FBXO31: variants seen among roughly 807,000 people sequenced by gnomAD.
FBXO31 encodes F-box protein 31.
Under a neutral mutation model 54.4 loss-of-function variants are expected in FBXO31, and 24 were observed. That is an observed-to-expected ratio of 0.44 (90% CI 0.32 to 0.62). The LOEUF is 0.62. Among genes scored for constraint, FBXO31 ranks in the 20% least tolerant of loss-of-function variants. FBXO31 has a pLI of 0.05. For missense variants in FBXO31, 665 were observed against 787.1 expected (o/e 0.84, Z 1.86); for synonymous variants, 388 against 335.6 (o/e 1.16, Z -1.71).
At chr16:87,377,868 G>A (rs1237706576) in intron 1 of FBXO31, among the ~76,000 whole-genome samples, 2 of 151,332 alleles carry the variant, frequency 1.3e-5, no homozygotes, top group African/African-American at 4.9e-5. Context: ...TAAAAAAACA[G>A]AAATCTAGGC....
chr16:87,336,074 C>T lies in FBXO31; in HGVS notation c.842+81G>A. On this transcript the variant is annotated intron_variant, in intron 6 of 8. Transcript: ENST00000311635. The surrounding 1 kb of genome is among the most constrained non-coding windows in gnomAD (Gnocchi z 6.5). ...ACCCACTGAGACAAAGGACTATGCC[C>T]CAGCACCCACCGGGACAGGGCTGGT... The T allele has an allele frequency of 2.4e-6, 3 of 1,226,288 alleles. No homozygotes were observed. The highest frequency in any genetic ancestry group is 3.5e-6 in the Non-Finnish European group (3 of 848,852). The allele number at this position is 1,226,288 out of a possible 1,614,324, so 76.0% of individuals were successfully genotyped here.
chr16:87,340,997 A>G (rs1905176015), intron 5 of FBXO31, among the ~76,000 whole-genome samples: 1 of 152,188 alleles, frequency 6.6e-6, no homozygotes, highest in Non-Finnish European at 1.5e-5. Flanking sequence ...CTATGACCAG[A>G]CAGTTCATGA....
chr16:87,360,430 GGCT>G (rs753291406), intron 1 of FBXO31, 64 bp from the exon 2 acceptor site: 5 of 1,393,832 alleles, frequency 3.6e-6, no homozygotes, highest in African/African-American at 1.4e-5. Context: ...GACGTGGGCA[GGCT>G]GCTGATGGCT....
intron 3 of FBXO31, among the ~76,000 whole-genome samples, chr16:87,344,391 C>T (rs1242774063): frequency 1.3e-5 from 2 of 152,230 alleles, no homozygotes; most frequent in Admixed American, 6.5e-5. Context: ...GTCCGGGCGC[C>T]GATCGTGCAA....
Position 87,383,755 on chromosome 16 carries a change from G to T in FBXO31, c.-11C>A. On this transcript the variant is annotated 5_prime_UTR_variant, in exon 1 of 9. Transcript: ENST00000311635. The surrounding 1 kb of genome is among the most constrained non-coding windows in gnomAD (Gnocchi z 4.9). ...AGCACACACCGCCATGCCGCCCAGT[G>T]ACGGCCACTGCTGCCGCCTGTGCGC... 1 of 1,199,834 alleles carries T rather than the reference G, an allele frequency of 8.3e-7. No individual in the cohort carries two copies. The highest frequency in any genetic ancestry group is 3.9e-5 in the South Asian group (1 of 25,582). The allele number at this position is 1,199,834 out of a possible 1,614,324, so 74.3% of individuals were successfully genotyped here.
chr16:87,382,235 T>C (rs143721645), intron 1 of FBXO31, among the ~76,000 whole-genome samples: 60 of 152,356 alleles, frequency 3.9e-4, no homozygotes, highest in Middle Eastern at 3.4e-3. Flanking sequence ...TTGTTTACAC[T>C]ACACTGTCTC....
In FBXO31 at chr16:87,371,057, T is replaced by C. The variant is rs1316756727; in HGVS notation, c.341-10691A>G. Among the ~76,000 whole-genome samples the C allele has an allele frequency of 2.6e-5, 4 of 152,210 alleles. No individual in the cohort carries two copies. The East Asian group carries it at 5.8e-4, about 22-fold the overall frequency. On this transcript the variant is annotated intron_variant, in intron 1 of 8. Coordinates refer to ENST00000311635, the MANE Select transcript of FBXO31 (RefSeq NM_024735.5). The stretch of plus-strand genomic sequence containing the variant: ...CAGCCTGACTGCATGGAAAACTTGC[T>C]GTTTTTAAATAATGCAGCAGATCTG...
rs1376478282 is a variant in FBXO31 at position 87,383,017 on chromosome 16, A to C, written c.340+388T>G. Among the ~76,000 whole-genome samples, 1 of 152,044 alleles carries C rather than the reference A, an allele frequency of 6.6e-6. No individual in the cohort carries two copies. Among genetic ancestry groups the C allele is most frequent in the Non-Finnish European group, 1.5e-5 (1 of 67,998 alleles). On this transcript the variant is annotated intron_variant, in intron 1 of 8. Transcript: ENST00000311635. This position sits in a 1 kb window ranked among gnomAD's most constrained non-coding sequence, Gnocchi z 4.9. ...CTCGCCTTCAAGACAGGGGCAGAGG[A>C]GGCGGCCCCCAGGCGTCAGCTTAGG...
chr16:87,383,695 C>A lies in FBXO31; in HGVS notation c.50G>T (p.Arg17Leu), dbSNP rs913359928. The change falls in exon 1 of 9, where the codon CGG becomes CTG. Residue 17 changes from arginine (R) to leucine (L), a missense_variant. By Grantham distance (102) the Arg-to-Leu change is moderately radical. Coordinates refer to ENST00000311635, the MANE Select transcript of FBXO31 (RefSeq NM_024735.5). The surrounding 1 kb of genome is among the most constrained non-coding windows in gnomAD (Gnocchi z 4.9). ...CGGGCCCCGGCGCTGCTGGCGGCGC[C>A]GACATCCGCGCGACGGGCCCACGCC... ...LCGVGPSRGC[R>L]RRQQRRGPAE... 1 of 1,269,712 alleles carries A rather than the reference C, an allele frequency of 7.9e-7. No homozygotes were observed. The highest frequency in any genetic ancestry group is 9.9e-7 in the Non-Finnish European group (1 of 1,014,694). The allele number at this position is 1,269,712 out of a possible 1,614,324, so 78.7% of individuals were successfully genotyped here.
rs779671885 is a variant in FBXO31, at chr16:87,327,038, G to T, written c.*4250C>A. ...ACTGTGAGGAGAAACAAGTGCACGG[G>T]TGCAGGTGGCGGCTGCCAGGATTGC... On this transcript the variant is annotated 3_prime_UTR_variant, in exon 9 of 9. Coordinates refer to ENST00000311635, the MANE Select transcript of FBXO31 (RefSeq NM_024735.5). 6.6e-6 allele frequency: 1 copy of T among 152,304 alleles called. No homozygotes were observed. Among genetic ancestry groups the T allele is most frequent in the African/African-American group, 2.4e-5 (1 of 41,462 alleles). The allele number at this position is 152,304 out of a possible 1,614,324, so 9.4% of individuals were successfully genotyped here.
chr16:87,370,682 G>A (rs937164623), intron 1 of FBXO31, among the ~76,000 whole-genome samples: 10 of 152,140 alleles, frequency 6.6e-5, no homozygotes, highest in African/African-American at 2.2e-4. Context: ...GCGGCCCCTG[G>A]GACACTGCTG....
intron 1 of FBXO31, among the ~76,000 whole-genome samples, chr16:87,372,154 G>A (rs946505817): frequency 1.3e-5 from 2 of 152,162 alleles, no homozygotes; most frequent in African/African-American, 2.4e-5. Flanking sequence ...AACCCAGGAT[G>A]TGGAGGTGGC....
At chr16:87,366,917 C>T (rs1906393240) in intron 1 of FBXO31, among the ~76,000 whole-genome samples, 1 of 152,214 alleles carries the variant, frequency 6.6e-6, no homozygotes, top group Admixed American at 6.5e-5. Context: ...AGGGCTCACA[C>T]TTGTAATCCC....
chr16:87,383,870 T>A (rs1488185969), upstream of FBXO31: 1 of 646,272 alleles, frequency 1.5e-6, no homozygotes, highest in Non-Finnish European at 2.0e-6. This position sits in a 1 kb window ranked among gnomAD's most constrained non-coding sequence, Gnocchi z 4.9. Flanking sequence ...GCCCCGCCCC[T>A]ACGTAGAGCT....
intron 8 of FBXO31, among the ~76,000 whole-genome samples, chr16:87,332,907 C>T (rs182883704): frequency 6.6e-5 from 10 of 152,300 alleles, no homozygotes; most frequent in Admixed American, 5.9e-4. Flanking sequence ...ACAGGCGGAC[C>T]CTCAAAACAG....
chr16:87,374,048 C>T (rs764204584), intron 1 of FBXO31, among the ~76,000 whole-genome samples: 1 of 151,870 alleles, frequency 6.6e-6, no homozygotes, highest in East Asian at 1.9e-4. Context: ...CAGACCAGCC[C>T]GGGCAACACT....
upstream of FBXO31, chr16:87,383,887 C>T: frequency 1.8e-6 from 1 of 554,016 alleles, no homozygotes; most frequent in Non-Finnish European, 2.5e-6. The surrounding 1 kb of genome is among the most constrained non-coding windows in gnomAD (Gnocchi z 4.9). Context: ...AGCTCCGCCC[C>T]GGCCGCGCCA....
intron 2 of FBXO31, among the ~76,000 whole-genome samples, chr16:87,349,198 T>C (rs191048359): frequency 1.3e-5 from 2 of 152,278 alleles, no homozygotes; most frequent in East Asian, 3.9e-4. Context: ...CCAAAGTCCA[T>C]GTGAAGAGGT....
intron 7 of FBXO31, 43 bp from the exon 8 acceptor site, chr16:87,334,329 G>A (rs1188548233): frequency 6.6e-7 from 1 of 1,518,222 alleles, no homozygotes; most frequent in East Asian, 2.3e-5. Context: ...GCCAGCAGCA[G>A]CAGCAGTACC....
Sources: allele counts gnomAD v4.1 joint callset (sites outside exome capture counted in the v4.1 genomes callset), GRCh38; gene constraint gnomAD v4.1.1; non-coding constraint Gnocchi (gnomAD v3.1); transcripts MANE v1.5; gene names NCBI Gene and HGNC (gene_info 2026-07-23, HGNC 2026-07-21).